CAMK2D: variants seen among roughly 807,000 people sequenced by gnomAD.
CAMK2D encodes calcium/calmodulin dependent protein kinase II delta.
In CAMK2D, 37 loss-of-function variants were observed where a neutral mutation model predicts 84.0. That is an observed-to-expected ratio of 0.44 (90% CI 0.34 to 0.58). CAMK2D has a LOEUF of 0.58. CAMK2D is among the 20% of genes least tolerant of loss of function. CAMK2D has a pLI of 0.02. For synonymous variants in CAMK2D, 202 were observed against 212.5 expected, an observed-to-expected ratio of 0.95 and a Z score of 0.43; for missense variants, 448 against 652.5, an observed-to-expected ratio of 0.69 and a Z score of 3.41.
rs183363417 is a variant in CAMK2D, at chr4:113,528,007, T to C, written c.601+3209A>G. Among the ~76,000 whole-genome samples, 60 of 152,152 alleles carry C rather than the reference T, an allele frequency of 3.9e-4. No individual in the cohort carries two copies. In the East Asian group the frequency reaches 0.011, roughly 29 times the overall value. On this transcript the variant is annotated intron_variant, in intron 8 of 20. Coordinates refer to ENST00000511664, the MANE Select transcript of CAMK2D (RefSeq NM_001321571.2). Reference sequence around the variant, plus strand: ...ATTCAGAAGCTGTGAAATCTGTCCATAATAACACCTTTTACAAAATAAAAC... The same window carrying C: ...ATTCAGAAGCTGTGAAATCTGTCCACAATAACACCTTTTACAAAATAAAAC...
intron 8 of CAMK2D, among the ~76,000 whole-genome samples, chr4:113,523,046 G>A (rs2098381958): frequency 6.6e-6 from 1 of 152,174 alleles, no homozygotes. Flanking sequence ...ACTACCATGT[G>A]AGGATACAAC....
intron 16 of CAMK2D, among the ~76,000 whole-genome samples, chr4:113,499,290 C>T (rs980932057): frequency 6.6e-5 from 10 of 152,188 alleles, no homozygotes; most frequent in African/African-American, 2.4e-4. Flanking sequence ...ACACAGCTAT[C>T]TACCTTTCCA....
At chr4:113,656,451 C>T (rs949375882) in intron 3 of CAMK2D, among the ~76,000 whole-genome samples, 2 of 152,128 alleles carry the variant, frequency 1.3e-5, no homozygotes, top group Admixed American at 6.5e-5. Flanking sequence ...CCTGACTGAA[C>T]ACTATTATCA....
intron 2 of CAMK2D, chr4:113,753,974 T>G (rs1366016137): frequency 1.0e-6 from 1 of 976,502 alleles, no homozygotes; most frequent in African/African-American, 1.8e-5. Context: ...TCTATTATGT[T>G]TATTTAGGTA....
intron 4 of CAMK2D, among the ~76,000 whole-genome samples, chr4:113,596,596 T>G (rs74553226): frequency 0.04 from 6,080 of 152,260 alleles, 359 homozygotes; most frequent in East Asian, 0.19. Context: ...AATCATCTCT[T>G]TGTACATCTC....
At chr4:113,568,743 T>G (rs983099310) in intron 4 of CAMK2D, among the ~76,000 whole-genome samples, 3 of 152,224 alleles carry the variant, frequency 2.0e-5, no homozygotes, top group African/African-American at 2.4e-5. Context: ...CTTGTTACTT[T>G]CCATCTTTTG....
intron 4 of CAMK2D, among the ~76,000 whole-genome samples, chr4:113,557,944 C>G (rs1270334727): frequency 1.3e-5 from 2 of 152,138 alleles, no homozygotes; most frequent in African/African-American, 4.8e-5. Flanking sequence ...TTAGTGAGTG[C>G]CCTGATGGGG....
intron 2 of CAMK2D, among the ~76,000 whole-genome samples, chr4:113,708,879 G>A (rs778419001): frequency 6.6e-6 from 1 of 151,982 alleles, no homozygotes; most frequent in Non-Finnish European, 1.5e-5. Flanking sequence ...CATGCACCAT[G>A]TCTGGCTAGT....
intron 2 of CAMK2D, among the ~76,000 whole-genome samples, chr4:113,720,089 TG>T (rs1212572520): frequency 9.2e-5 from 14 of 152,122 alleles, no homozygotes. Context: ...ACATTACTCA[TG>T]ATAGCAGATG....
chr4:113,624,359 C>T (rs1448374646), intron 3 of CAMK2D, among the ~76,000 whole-genome samples: 1 of 152,136 alleles, frequency 6.6e-6, no homozygotes, highest in African/African-American at 2.4e-5. Context: ...CACCTTATAA[C>T]ATGCTTGGTA....
chr4:113,492,415 G>C (rs1024834426), intron 16 of CAMK2D, among the ~76,000 whole-genome samples: 54 of 152,120 alleles, frequency 3.5e-4, no homozygotes, highest in Non-Finnish European at 6.5e-4. Flanking sequence ...TAGTCATTCA[G>C]GAGCAGGTTG....
At position 113,682,399 on chromosome 4, in the gene CAMK2D, A is replaced by T. The variant is rs536576544; in HGVS notation, c.161-20627T>A. Among the ~76,000 whole-genome samples the T allele has an allele frequency of 4.3e-4, 66 of 152,196 alleles. 1 individual carries two copies. The highest frequency in any genetic ancestry group is 3.4e-3 in the Middle Eastern group (1 of 294). ...CTCAGACTTTTATAAATTAAATTTT[A>T]AAATGTAGCTTTATTTATTTTTTCA... On this transcript the variant is annotated intron_variant, in intron 2 of 20. Coordinates refer to ENST00000511664, the MANE Select transcript of CAMK2D (RefSeq NM_001321571.2).
intron 16 of CAMK2D, among the ~76,000 whole-genome samples, chr4:113,490,477 G>T (rs1412253256): frequency 9.8e-6 from 1 of 101,796 alleles, no homozygotes; most frequent in Non-Finnish European, 1.9e-5. Flanking sequence ...ATTTCTGAGG[G>T]CTCTGTTCTG....
intron 2 of CAMK2D, chr4:113,754,204 T>C (rs1382756338): frequency 1.0e-6 from 1 of 961,284 alleles, no homozygotes; most frequent in African/African-American, 1.8e-5. Flanking sequence ...AGCCTCTATA[T>C]AATCATTAAT....
intron 4 of CAMK2D, among the ~76,000 whole-genome samples, chr4:113,554,099 T>C (rs1276784637): frequency 6.6e-6 from 1 of 152,120 alleles, no homozygotes; most frequent in African/African-American, 2.4e-5. Context: ...ATTTATAGGC[T>C]CCTTAAACAT....
intron 6 of CAMK2D, among the ~76,000 whole-genome samples, chr4:113,540,324 T>A (rs1393587036): frequency 6.6e-6 from 1 of 152,168 alleles, no homozygotes; most frequent in East Asian, 1.9e-4. Context: ...AATGATTACC[T>A]CCTTAGACAG....
intron 18 of CAMK2D, among the ~76,000 whole-genome samples, 159 bp downstream of exon 18, chr4:113,459,986 CAT>C (rs1396382880): frequency 6.6e-6 from 1 of 152,038 alleles, no homozygotes; most frequent in African/African-American, 2.4e-5. Context: ...CCAAGCCTGA[CAT>C]ATTTTTTTTT....
chr4:113,691,197 T>G (rs2099386059), intron 2 of CAMK2D, among the ~76,000 whole-genome samples: 1 of 152,176 alleles, frequency 6.6e-6, no homozygotes, highest in African/African-American at 2.4e-5. Context: ...CGTCACCCAT[T>G]ACAACACTTT....
At chr4:113,467,098 G>A (rs2097483168) in intron 16 of CAMK2D, among the ~76,000 whole-genome samples, 1 of 152,252 alleles carries the variant, frequency 6.6e-6, no homozygotes, top group East Asian at 1.9e-4. Context: ...ATTACTGCAT[G>A]AAATATTTTA....
Sources: gnomAD v4.1 joint callset for allele counts (sites outside exome capture counted in the v4.1 genomes callset) on GRCh38, gnomAD v4.1.1 for gene constraint, MANE v1.5 for transcripts, NCBI Gene and HGNC (gene_info 2026-07-23, HGNC 2026-07-21) for gene names.